CENPC: variants seen among roughly 807,000 people sequenced by gnomAD.
CENPC encodes the protein centromere protein C, also known as CENP-C 1.
In CENPC, 63 loss-of-function variants were observed where a neutral mutation model predicts 112.1. The ratio of observed to expected loss-of-function variants is 0.56; its 90% CI spans 0.46 to 0.69. The LOEUF is 0.69. Ranked by LOEUF, CENPC falls within the 30% of genes least tolerant of loss-of-function variation. The pLI is 0.00. For synonymous variants in CENPC, 333 were observed against 367.6 expected (o/e 0.91, Z 1.08); for missense variants, 1,000 against 1,103.8 (o/e 0.91, Z 1.33).
intron 8 of CENPC, among the ~76,000 whole-genome samples, chr4:67,513,659 T>C (rs1725962444): frequency 6.6e-6 from 1 of 152,310 alleles, no homozygotes; most frequent in East Asian, 1.9e-4. Flanking sequence ...CAGTGCCTAA[T>C]GCAGTGTATG....
rs1280927427 is a variant in CENPC at position 67,471,279 on chromosome 4, ATT to A, written c.*1324_*1325del. On this transcript the variant is annotated 3_prime_UTR_variant, in exon 19 of 19. Transcript: ENST00000273853. Reference sequence around the variant, plus strand: ...CATCATATATAAGATAGATTCCACAATTTGAGTCCAGTCAAAATGCTAAATTT... The same window carrying A: ...CATCATATATAAGATAGATTCCACAATGAGTCCAGTCAAAATGCTAAATTT... The A allele has an allele frequency of 6.6e-6, 1 of 152,234 alleles. No homozygotes were observed. Among genetic ancestry groups the A allele is most frequent in the African/African-American group, 2.4e-5 (1 of 41,464 alleles). The allele number at this position is 152,234 out of a possible 1,614,324, so 9.4% of individuals were successfully genotyped here.
At chr4:67,481,855 T>C (rs1724966902) in intron 17 of CENPC, among the ~76,000 whole-genome samples, 1 of 152,160 alleles carries the variant, frequency 6.6e-6, no homozygotes, top group Non-Finnish European at 1.5e-5. Context: ...AAAGACTTCA[T>C]GACCAAGAAT....
In CENPC at chr4:67,492,186, G is replaced by A; in HGVS notation, c.2509C>T (p.Leu837Phe). 6.4e-7 allele frequency: 1 copy of A among 1,553,086 alleles called. No homozygotes were observed. The highest frequency in any genetic ancestry group is 8.7e-7 in the Non-Finnish European group (1 of 1,143,944). ...VKDPETREIILMDLVRPQDTY... is the reference protein window; with the variant it reads ...VKDPETREIIFMDLVRPQDTY... ...GTATCATGCCTGATCTTACCCATGA[G>A]AATAATCTCTCTTGTTTCTGGGTCC... The change falls in exon 16 of 19, where the codon CTC becomes TTC. Residue 837 changes from leucine (L) to phenylalanine (F), a missense_variant. Transcript: ENST00000273853.
chr4:67,510,138 C>T (rs1429613384), intron 9 of CENPC, among the ~76,000 whole-genome samples: 1 of 152,122 alleles, frequency 6.6e-6, no homozygotes, highest in Non-Finnish European at 1.5e-5. Flanking sequence ...ACCTCAGACC[C>T]CAGTGAATCA....
intron 9 of CENPC, among the ~76,000 whole-genome samples, chr4:67,511,611 A>T (rs913124401): frequency 1.3e-5 from 2 of 152,168 alleles, no homozygotes; most frequent in Admixed American, 6.6e-5. Flanking sequence ...TGTGGGCCTA[A>T]ACTGCTTATG....
intron 12 of CENPC, among the ~76,000 whole-genome samples, chr4:67,498,328 TA>T (rs1725497172): frequency 6.6e-6 from 1 of 152,222 alleles, no homozygotes; most frequent in South Asian, 2.1e-4. Flanking sequence ...TATTTTGCCT[TA>T]TTGTTGATGA....
intron 9 of CENPC, among the ~76,000 whole-genome samples, chr4:67,509,833 C>T (rs1350416562): frequency 6.6e-6 from 1 of 152,120 alleles, no homozygotes; most frequent in Non-Finnish European, 1.5e-5. Flanking sequence ...GCAAGAATCA[C>T]CTTTGGAAAA....
chr4:67,508,073 T>C (rs567669113), intron 10 of CENPC, among the ~76,000 whole-genome samples: 1 of 152,250 alleles, frequency 6.6e-6, no homozygotes, highest in South Asian at 2.1e-4. Flanking sequence ...TAGCAAATAT[T>C]TGGCACATAG....
chr4:67,504,784 T>G (rs1725688217), intron 12 of CENPC, among the ~76,000 whole-genome samples: 1 of 151,752 alleles, frequency 6.6e-6, no homozygotes, highest in Non-Finnish European at 1.5e-5. Context: ...ATTGCACCAC[T>G]GCACTCCAGC....
Position 67,505,255 on chromosome 4 carries a change from A to AAATAATT in CENPC, c.2074_2080dup (p.Leu694Ter). 1.3e-6 allele frequency: 2 copies of AAATAATT among 1,578,942 alleles called. No homozygotes were observed. Among genetic ancestry groups the AAATAATT allele is most frequent in the Non-Finnish European group, 1.7e-6 (2 of 1,162,926 alleles). On this transcript the variant is annotated stop_gained and frameshift_variant, in exon 12 of 19. Coordinates refer to ENST00000273853, the MANE Select transcript of CENPC (RefSeq NM_001812.4). LOFTEE classifies it high-confidence loss of function. ...ATCCACATCATTCTTTCCAGACATT[A>AAATAATT]AATAATTATTATTGAGCCTGGAAGG... is the stretch of plus-strand genomic sequence containing the variant.
chr4:67,500,207 G>C (rs567601462), intron 12 of CENPC, among the ~76,000 whole-genome samples: 1 of 151,752 alleles, frequency 6.6e-6, no homozygotes, highest in African/African-American at 2.4e-5. Flanking sequence ...CTCAACAAAG[G>C]GTTGCCACAA....
At position 67,471,643 on chromosome 4, in the gene CENPC, G is replaced by A. The variant is rs1037768416; in HGVS notation, c.*962C>T. ...CATTCTTCCTAAGTCCTACACCAGA[G>A]TTGCTTTAAATGTGTGTATTTAATG... is the stretch of plus-strand genomic sequence containing the variant. On this transcript the variant is annotated 3_prime_UTR_variant, in exon 19 of 19. Coordinates refer to ENST00000273853, the MANE Select transcript of CENPC (RefSeq NM_001812.4). 1.4e-4 allele frequency: 21 copies of A among 152,258 alleles called. No homozygotes were observed. The highest frequency in any genetic ancestry group is 5.1e-4 in the African/African-American group (21 of 41,554). 9.4% of individuals were successfully genotyped at this position (152,258 alleles called of 1,614,324 possible).
At position 67,508,879 on chromosome 4, in the gene CENPC, C is replaced by T. The variant is rs1056789; in HGVS notation, c.1839G>A (p.Ser613=). ...IVGHDEISRC[S]LSEPLESDEA... is the part of the protein sequence containing the mutation. ...CATCACTTTCCAATGGCTCACTCAG[C>T]GAACATCTGGAAATTTCATCATGAC... is the stretch of plus-strand genomic sequence containing the variant. Residue 613 remains serine (S), a synonymous_variant, in exon 10 of 19, where the codon TCG becomes TCA. Transcript: ENST00000273853. The T allele has an allele frequency of 0.62, 1,003,930 of 1,612,924 alleles. 315,096 individuals are homozygous for T. Among genetic ancestry groups the T allele is most frequent in the East Asian group, 0.8 (35,778 of 44,858 alleles).
chr4:67,529,441 T>G (rs1306485846), intron 5 of CENPC, among the ~76,000 whole-genome samples: 1 of 152,048 alleles, frequency 6.6e-6, no homozygotes, highest in African/African-American at 2.4e-5. Context: ...TTCTCCTGAC[T>G]CAGCCTCCCG....
At chr4:67,536,759 A>G (rs546900781) in intron 4 of CENPC, among the ~76,000 whole-genome samples, 2 of 151,370 alleles carry the variant, frequency 1.3e-5, no homozygotes, top group Non-Finnish European at 2.9e-5. Flanking sequence ...ATAAAAATAA[A>G]GAATATATGA....
Position 67,492,282 on chromosome 4 carries a change from A to G in CENPC, c.2420-7T>C, listed in dbSNP as rs1364952671. On this transcript the variant is annotated splice_polypyrimidine_tract_variant and splice_region_variant and intron_variant, in intron 15 of 18. Coordinates refer to ENST00000273853, the MANE Select transcript of CENPC (RefSeq NM_001812.4). ...TTTACCATTAAGTTAGTCTCTGCAA[A>G]AGAAATACCATTGAAATACAAACTA... 2.6e-6 allele frequency: 4 copies of G among 1,517,416 alleles called. No homozygotes were observed. The highest frequency in any genetic ancestry group is 3.6e-6 in the Non-Finnish European group (4 of 1,116,592). 94.0% of individuals were successfully genotyped at this position (1,517,416 alleles called of 1,614,324 possible).
chr4:67,510,922 G>C lies in CENPC; in HGVS notation c.1612+1480C>G, dbSNP rs146221971. On this transcript the variant is annotated intron_variant, in intron 9 of 18. Coordinates refer to ENST00000273853, the MANE Select transcript of CENPC (RefSeq NM_001812.4). ...CAGGACTCTTAAATAAGTGTTTTTTGATAGTTTCAGAGATCTAGCACATTT... is the reference window on the plus strand; with the variant it reads ...CAGGACTCTTAAATAAGTGTTTTTTCATAGTTTCAGAGATCTAGCACATTT... 506 of 437,414 alleles carry C rather than the reference G, an allele frequency of 1.2e-3. 2 individuals are homozygous for C. Among genetic ancestry groups the C allele is most frequent in the African/African-American group, 9.5e-3 (468 of 49,056 alleles). The allele number at this position is 437,414 out of a possible 1,614,324, so 27.1% of individuals were successfully genotyped here.
chr4:67,470,742 T>C lies in CENPC; in HGVS notation c.*1863A>G, dbSNP rs1724638300. On this transcript the variant is annotated 3_prime_UTR_variant, in exon 19 of 19. Coordinates refer to ENST00000273853, the MANE Select transcript of CENPC (RefSeq NM_001812.4). ...GTCTGGCTGTAGCTAACTGAAAAAC[T>C]AGCAACTTTGCCGTAAGAGGAGTCT... is the stretch of plus-strand genomic sequence containing the variant. The C allele has an allele frequency of 6.6e-6, 1 of 152,138 alleles. No individual in the cohort carries two copies. Among genetic ancestry groups the C allele is most frequent in the Non-Finnish European group, 1.5e-5 (1 of 68,042 alleles). The allele number at this position is 152,138 out of a possible 1,614,324, so 9.4% of individuals were successfully genotyped here. A position where few individuals can be genotyped will look rare whatever the true frequency, so the allele number is the denominator to read the frequency against.
intron 14 of CENPC, 46 bp from the exon 15 acceptor site, chr4:67,493,043 T>A: frequency 7.0e-7 from 1 of 1,435,200 alleles, no homozygotes; most frequent in African/African-American, 1.5e-5. Flanking sequence ...AAAGACAAAA[T>A]CTTGAAACAA....
Sources: gnomAD v4.1 joint callset for allele counts (sites outside exome capture counted in the v4.1 genomes callset) on GRCh38, gnomAD v4.1.1 for gene constraint, MANE v1.5 for transcripts, NCBI Gene and HGNC (gene_info 2026-07-23, HGNC 2026-07-21) for gene names.